TNPO3: variants seen among roughly 807,000 people sequenced by gnomAD.
TNPO3 encodes transportin 3, also known as transportin-3.
A neutral mutation model predicts 122.8 loss-of-function variants in TNPO3; 65 were observed. The ratio of observed to expected loss-of-function variants is 0.53; its 90% CI spans 0.43 to 0.65. The LOEUF is 0.65. Among genes scored for constraint, TNPO3 ranks in the 30% least tolerant of loss-of-function variants. The pLI is 0.00. For synonymous variants in TNPO3, 372 were observed against 411.2 expected, an observed-to-expected ratio of 0.90 and a Z score of 1.15; for missense variants, 850 against 1,136.7, an observed-to-expected ratio of 0.75 and a Z score of 3.63.
intron 9 of TNPO3, among the ~76,000 whole-genome samples, chr7:128,992,999 GCTTT>G (rs34670933): frequency 0.36 from 54,693 of 151,506 alleles, 11,087 homozygotes; most frequent in Non-Finnish European, 0.45. Context: ...CATTTAAGTG[GCTTT>G]CTAAGAATCC....
chr7:128,956,196 A>G (rs1796881315), intron 22 of TNPO3, among the ~76,000 whole-genome samples: 1 of 152,194 alleles, frequency 6.6e-6, no homozygotes, highest in Admixed American at 6.5e-5. Context: ...AAGTTGAGAA[A>G]TGATTTTGGG....
chr7:128,996,949 G>A (rs1208760000), intron 8 of TNPO3, among the ~76,000 whole-genome samples: 1 of 151,836 alleles, frequency 6.6e-6, no homozygotes, highest in African/African-American at 2.4e-5. Flanking sequence ...ATATAAAATA[G>A]CTGTTTTTTT....
intron 1 of TNPO3, among the ~76,000 whole-genome samples, chr7:129,034,424 TGA>T (rs1806323054): frequency 6.6e-6 from 1 of 151,802 alleles, no homozygotes; most frequent in Non-Finnish European, 1.5e-5. Flanking sequence ...GAGTACTGCT[TGA>T]GCCCAGGATG....
intron 21 of TNPO3, among the ~76,000 whole-genome samples, chr7:128,966,982 A>G (rs754168603): frequency 6.6e-6 from 1 of 152,210 alleles, no homozygotes; most frequent in Non-Finnish European, 1.5e-5. Context: ...AAGGACTTAG[A>G]AAAATATAGA....
chr7:129,000,685 AT>A, intron 6 of TNPO3, 118 bp from the exon 7 acceptor site: 1 of 1,009,368 alleles, frequency 9.9e-7, no homozygotes, highest in Non-Finnish European at 1.5e-6. Context: ...TCTAGTGATT[AT>A]TTACTATGCT....
chr7:128,957,152 A>G, intron 22 of TNPO3, 72 bp downstream of exon 22: 1 of 1,318,794 alleles, frequency 7.6e-7, no homozygotes, highest in Non-Finnish European at 1.1e-6. Flanking sequence ...AGGCATTAAA[A>G]CCTATCCCCA....
intron 21 of TNPO3, 84 bp from the exon 22 acceptor site, chr7:128,957,399 G>A (rs1021143103): frequency 5.8e-5 from 80 of 1,383,114 alleles, no homozygotes; most frequent in Admixed American, 2.2e-4. Flanking sequence ...GGGGCACACT[G>A]AGAACCGTCC....
At chr7:128,963,841 A>G (rs1430553895) in intron 21 of TNPO3, among the ~76,000 whole-genome samples, 1 of 152,234 alleles carries the variant, frequency 6.6e-6, no homozygotes, top group African/African-American at 2.4e-5. Context: ...TTTCCCTTCT[A>G]TATCTGATTT....
chr7:129,040,537 T>G (rs1807252451), intron 1 of TNPO3, among the ~76,000 whole-genome samples: 1 of 152,168 alleles, frequency 6.6e-6, no homozygotes. Context: ...AAAATATACA[T>G]ATAAGAAAAA....
At chr7:129,012,815 T>C (rs1013160210) in intron 4 of TNPO3, among the ~76,000 whole-genome samples, 11 of 152,192 alleles carry the variant, frequency 7.2e-5, no homozygotes, top group African/African-American at 2.7e-4. Flanking sequence ...CCATATGGTC[T>C]CTGAAAAATA....
intron 1 of TNPO3, among the ~76,000 whole-genome samples, chr7:129,026,522 C>A (rs1805196643): frequency 6.6e-6 from 1 of 151,496 alleles, no homozygotes; most frequent in African/African-American, 2.4e-5. Flanking sequence ...CCTGCCTCAG[C>A]CTCCTAAGTA....
In TNPO3 at chr7:128,957,232, C is replaced by T. The variant is rs1160351145; in HGVS notation, c.*23G>A. 2 of 1,613,924 alleles carry T rather than the reference C, an allele frequency of 1.2e-6. No homozygotes were observed. The highest frequency in any genetic ancestry group is 2.2e-5 in the South Asian group (2 of 91,074). Reference sequence around the variant, plus strand: ...GAACTATGTATCCTCACCTGGGTGACAGGCACAGTGCAGGAGTGTGAGCTA... The same window carrying T: ...GAACTATGTATCCTCACCTGGGTGATAGGCACAGTGCAGGAGTGTGAGCTA... On this transcript the variant is annotated 3_prime_UTR_variant, in exon 22 of 23. Transcript: ENST00000265388.
chr7:128,988,545 T>C (rs926158972), intron 11 of TNPO3, among the ~76,000 whole-genome samples: 2 of 152,210 alleles, frequency 1.3e-5, no homozygotes, highest in African/African-American at 4.8e-5. Flanking sequence ...ATCTGTCTAC[T>C]GCTGAGGCAC....
intron 1 of TNPO3, among the ~76,000 whole-genome samples, chr7:129,036,480 C>T (rs1227583159): frequency 6.6e-6 from 1 of 151,956 alleles, no homozygotes; most frequent in Non-Finnish European, 1.5e-5. Flanking sequence ...TTGAAGGATC[C>T]TAGATTAGAG....
chr7:129,023,776 T>C (rs909616100), intron 1 of TNPO3, among the ~76,000 whole-genome samples: 5 of 152,230 alleles, frequency 3.3e-5, no homozygotes, highest in African/African-American at 1.2e-4. Flanking sequence ...GGTTTTCCTA[T>C]ATAAACTGTA....
chr7:128,970,804 A>C (rs559014941), intron 19 of TNPO3: 1 of 153,958 alleles, frequency 6.5e-6, no homozygotes, highest in East Asian at 1.9e-4. Context: ...GCTTGAACCC[A>C]GTGTTCTGGG....
At chr7:129,002,792 C>A (rs1054586749) in intron 5 of TNPO3, among the ~76,000 whole-genome samples, 1 of 152,072 alleles carries the variant, frequency 6.6e-6, no homozygotes, top group South Asian at 2.1e-4. Flanking sequence ...GTGGCTCACG[C>A]CTGTAATCCC....
chr7:129,039,321 G>A (rs867138984), intron 1 of TNPO3, among the ~76,000 whole-genome samples: 4 of 152,138 alleles, frequency 2.6e-5, no homozygotes, highest in African/African-American at 9.7e-5. Context: ...CAGCACTTTG[G>A]GAGGCCAAGG....
At chr7:128,965,591 C>T (rs1457645770) in intron 21 of TNPO3, among the ~76,000 whole-genome samples, 2 of 152,152 alleles carry the variant, frequency 1.3e-5, no homozygotes, top group African/African-American at 2.4e-5. Context: ...AGCAATTCTA[C>T]CTCTGGGTAT....
Sources: gnomAD v4.1 joint callset for allele counts (sites outside exome capture counted in the v4.1 genomes callset) on GRCh38, gnomAD v4.1.1 for gene constraint, MANE v1.5 for transcripts, NCBI Gene and HGNC (gene_info 2026-07-23, HGNC 2026-07-21) for gene names.